FBXO38: variants seen among roughly 807,000 people sequenced by gnomAD.
FBXO38 encodes the protein F-box only protein 38.
A neutral mutation model predicts 131.9 loss-of-function variants in FBXO38; 53 were observed. That is an observed-to-expected ratio of 0.40 (90% confidence interval 0.32 to 0.51). The LOEUF is 0.51. FBXO38 is among the 20% of genes least tolerant of loss of function. FBXO38 has a pLI of 0.53. For missense variants in FBXO38, 1,076 were observed against 1,475.6 expected (o/e 0.73, Z 4.44); for synonymous variants, 452 against 505.6 (o/e 0.89, Z 1.42).
Position 148,433,460 on chromosome 5 carries a change from G to A in FBXO38, c.2690G>A (p.Arg897Gln), listed in dbSNP as rs1411925840. 5 of 1,613,778 alleles carry A rather than the reference G, an allele frequency of 3.1e-6. No homozygotes were observed. Among genetic ancestry groups the A allele is most frequent in the African/African-American group, 2.7e-5 (2 of 74,970 alleles). ...AKTKPRHAMK[R>Q]KRTADKSTST... ...ACAAAGCCACGTCACGCCATGAAACGGAAGCGGACAGCAGATAAATCCACT... is the reference window on the plus strand; with the variant it reads ...ACAAAGCCACGTCACGCCATGAAACAGAAGCGGACAGCAGATAAATCCACT... The change falls in exon 16 of 22, where the codon CGG (arginine) becomes CAG (glutamine). Residue 897 changes from arginine (R) to glutamine (Q), a missense_variant. By Grantham distance (43) the Arg-to-Gln change is conservative. This residue lies in a region of FBXO38 where 282 missense variants were observed against 418.8 expected (regional missense o/e 0.67). Coordinates refer to ENST00000340253, the MANE Select transcript of FBXO38 (RefSeq NM_205836.3).
In FBXO38 at chr5:148,427,384, AC is replaced by A; in HGVS notation, c.2091del (p.Asn697LysfsTer32). The A allele has an allele frequency of 6.2e-7, 1 of 1,614,174 alleles. No homozygotes were observed. Among genetic ancestry groups the A allele is most frequent in the Non-Finnish European group, 8.5e-7 (1 of 1,180,024 alleles). ...AGGGATATTCCTGAAAAGAAAAAAA[AC>A]AAGGATGTTTATCCCAGCTGCAGCA... ...AARDIPEKKKNKDVYPSCSST... is the reference protein window; with the variant it reads ...AARDIPEKKKXKDVYPSCSST... On this transcript the variant is annotated frameshift_variant, in exon 15 of 22. Coordinates refer to ENST00000340253, the MANE Select transcript of FBXO38 (RefSeq NM_205836.3). LOFTEE classifies it high-confidence loss of function.
At chr5:148,397,984 C>A (rs768290141) in intron 2 of FBXO38, among the ~76,000 whole-genome samples, 1 of 152,108 alleles carries the variant, frequency 6.6e-6, no homozygotes, top group African/African-American at 2.4e-5. Flanking sequence ...AAGAATTTGT[C>A]TAGGGGATTA....
At chr5:148,440,257 C>T (rs1754599639) in intron 19 of FBXO38, 167 bp from the exon 20 acceptor site, 1 of 569,672 alleles carries the variant, frequency 1.8e-6, no homozygotes, top group Non-Finnish European at 3.2e-6. Flanking sequence ...CCTGACTACA[C>T]TTGGATTCTC....
rs570015807 is a variant in FBXO38 at position 148,418,499 on chromosome 5, G to A, written c.1618+1295G>A. ...ATACTCTTAAGCATTTCAAACCTAG[G>A]TAAAATCTTTCCCCAACCAGTCTCC... On this transcript the variant is annotated intron_variant, in intron 12 of 21. Coordinates refer to ENST00000340253, the MANE Select transcript of FBXO38 (RefSeq NM_205836.3). Among the ~76,000 whole-genome samples the A allele has an allele frequency of 2.6e-4, 39 of 152,218 alleles. 1 individual carries two copies. The highest frequency in any genetic ancestry group is 5.1e-4 in the Non-Finnish European group (35 of 68,016).
chr5:148,400,517 C>T (rs758651919), intron 3 of FBXO38, among the ~76,000 whole-genome samples: 5 of 152,050 alleles, frequency 3.3e-5, no homozygotes, highest in Admixed American at 6.6e-5. Flanking sequence ...CCAAGGCTTC[C>T]CATCTTTGCA....
At chr5:148,409,271 C>T (rs1752617531) in intron 8 of FBXO38, 54 bp downstream of exon 8, 4 of 1,210,986 alleles carry the variant, frequency 3.3e-6, no homozygotes, top group Admixed American at 1.7e-5. Flanking sequence ...TATGTTTTTC[C>T]CTATTTTACA....
Position 148,441,227 on chromosome 5 carries a change from C to T in FBXO38, c.3378C>T (p.Asp1126=), listed in dbSNP as rs759126729. 9.3e-6 allele frequency: 15 copies of T among 1,612,058 alleles called. No homozygotes were observed. Among genetic ancestry groups the T allele is most frequent in the Middle Eastern group, 1.6e-4 (1 of 6,082 alleles). The change falls in exon 21 of 22, where the codon GAC becomes GAT. Residue 1126 remains aspartate (D), a synonymous_variant. Transcript: ENST00000340253. ...GCTTCGCTCGATACGACTTTGAAGA[C>T]GATGAAGAAAGTAATTATGACCTGA... ...PNSFARYDFE[D]DEESTIYAPR...
chr5:148,420,147 CAG>C (rs778719335), intron 12 of FBXO38, among the ~76,000 whole-genome samples: 3 of 142,212 alleles, frequency 2.1e-5, no homozygotes, highest in Non-Finnish European at 4.5e-5. Context: ...TTTTTTGAGA[CAG>C]AGTCTCACTG....
chr5:148,418,326 A>T (rs931800232), intron 12 of FBXO38, among the ~76,000 whole-genome samples: 2 of 152,048 alleles, frequency 1.3e-5, no homozygotes, highest in East Asian at 3.9e-4. Flanking sequence ...TTTGTCCATG[A>T]TATCTTTCTC....
intron 11 of FBXO38, 64 bp downstream of exon 11, chr5:148,416,134 ATTTTT>A: frequency 8.4e-7 from 1 of 1,195,900 alleles, no homozygotes. Flanking sequence ...ACAGCCTGTG[ATTTTT>A]TTTTTTTTTT....
At chr5:148,419,358 C>T (rs980701889) in intron 12 of FBXO38, among the ~76,000 whole-genome samples, 2 of 152,036 alleles carry the variant, frequency 1.3e-5, no homozygotes, top group South Asian at 2.1e-4. Context: ...ACACAACACA[C>T]ACACACATAT....
At chr5:148,390,955 G>C (rs1239737933) in intron 1 of FBXO38, among the ~76,000 whole-genome samples, 2 of 152,140 alleles carry the variant, frequency 1.3e-5, no homozygotes, top group African/African-American at 4.8e-5. Context: ...GCATCATCTC[G>C]ATGAAGGATT....
rs2113547963 is a variant in FBXO38 at position 148,406,315 on chromosome 5, C to T, written c.789C>T (p.Asn263=). The T allele has an allele frequency of 1.2e-6, 2 of 1,610,306 alleles. No homozygotes were observed. Among genetic ancestry groups the T allele is most frequent in the Non-Finnish European group, 1.7e-6 (2 of 1,178,158 alleles). ...PLVTGLASAR[N]LEHLEMVRVP... ...TAACAGGCTTAGCCTCTGCCCGAAA[C>T]TTGGAACACTTAGAAATGGTTCGAG... The change falls in exon 7 of 22, where the codon AAC becomes AAT. Residue 263 remains asparagine (N), a synonymous_variant. Transcript: ENST00000340253.
chr5:148,387,241 T>C (rs1757960194), intron 1 of FBXO38, among the ~76,000 whole-genome samples: 1 of 152,234 alleles, frequency 6.6e-6, no homozygotes, highest in Non-Finnish European at 1.5e-5. Context: ...GTCATTTCAA[T>C]AATGTTCACA....
chr5:148,419,884 A>T (rs1209170543), intron 12 of FBXO38, among the ~76,000 whole-genome samples: 1 of 152,158 alleles, frequency 6.6e-6, no homozygotes, highest in Non-Finnish European at 1.5e-5. Flanking sequence ...GGGGCATTGT[A>T]TAATTTTAAA....
chr5:148,441,353 A>C, intron 21 of FBXO38, 116 bp downstream of exon 21: 1 of 741,648 alleles, frequency 1.3e-6, no homozygotes, highest in Admixed American at 3.1e-5. Context: ...TTTCCCATAG[A>C]AATAATTTGT....
At chr5:148,428,424 C>T (rs1753849239) in intron 15 of FBXO38, among the ~76,000 whole-genome samples, 1 of 152,096 alleles carries the variant, frequency 6.6e-6, no homozygotes, top group Non-Finnish European at 1.5e-5. Flanking sequence ...AGTTTTGCTT[C>T]AAGTAAGATT....
chr5:148,421,657 C>T (rs761762691), intron 12 of FBXO38, among the ~76,000 whole-genome samples: 5 of 152,086 alleles, frequency 3.3e-5, no homozygotes, highest in Non-Finnish European at 7.4e-5. Context: ...ATATAACTTT[C>T]TGTAAGTTAA....
Position 148,399,042 on chromosome 5 carries a change from C to T in FBXO38, c.172C>T (p.Arg58Trp), listed in dbSNP as rs775165552. ...TATCATGTGTATGGAATGTCTTTCC[C>T]GGAAGCTAAAGGAAGCAGTGACCCT... ...QDIMCMECLS[R>W]KLKEAVTLYL... The change falls in exon 3 of 22, where the codon CGG (arginine) becomes TGG (tryptophan). Residue 58 changes from arginine to tryptophan, a missense_variant. Around this residue, in one of 8 missense-constraint regions of FBXO38, gnomAD observed 96 missense variants for 193.9 expected, o/e 0.50. Transcript: ENST00000340253. The T allele has an allele frequency of 1.1e-5, 18 of 1,613,334 alleles. No homozygotes were observed. Among genetic ancestry groups the T allele is most frequent in the Non-Finnish European group, 1.4e-5 (16 of 1,179,610 alleles).
Sources: allele counts gnomAD v4.1 joint callset (sites outside exome capture counted in the v4.1 genomes callset), GRCh38; gene constraint gnomAD v4.1.1; regional missense constraint gnomAD v4.1.1; transcripts MANE v1.5; gene names NCBI Gene and HGNC (gene_info 2026-07-23, HGNC 2026-07-21).